LINGO2: variants seen among roughly 807,000 people sequenced by gnomAD.
LINGO2 encodes the protein leucine-rich repeat and immunoglobulin-like domain-containing nogo receptor-interacting protein 2.
A neutral mutation model predicts 30.6 loss-of-function variants in LINGO2; 14 were observed. That is an observed-to-expected ratio of 0.46 (90% CI 0.30 to 0.72). LINGO2 has a LOEUF of 0.72. LINGO2 is among the 30% of genes least tolerant of loss of function. The pLI, the probability that LINGO2 is intolerant of heterozygous loss-of-function variation, is 0.07. For missense variants in LINGO2, 729 were observed against 751.7 expected, an observed-to-expected ratio of 0.97 and a Z score of 0.35; for synonymous variants, 317 against 288.5, an observed-to-expected ratio of 1.10 and a Z score of -1.00.
the LINGO2 span, among the ~76,000 whole-genome samples, chr9:28,915,590 T>C: frequency 8.5e-5 from 13 of 152,146 alleles, no homozygotes; most frequent in Admixed American, 6.6e-4. Flanking sequence ...TTCAATAGTA[T>C]TGAAATAGAC....
the LINGO2 span, among the ~76,000 whole-genome samples, chr9:28,934,087 C>A: frequency 3.4e-4 from 52 of 152,266 alleles, no homozygotes; most frequent in African/African-American, 1.2e-3. Context: ...AATGTAACGA[C>A]TGGGGGAAAA....
chr9:28,517,197 G>A (rs1045248903), intron 1 of LINGO2, among the ~76,000 whole-genome samples: 4 of 152,106 alleles, frequency 2.6e-5, no homozygotes, highest in African/African-American at 9.7e-5. Context: ...AGTATAAGTG[G>A]TGTGACTTAA....
At chr9:28,059,200 T>C (rs541638267) in intron 4 of LINGO2, among the ~76,000 whole-genome samples, 18 of 152,188 alleles carry the variant, frequency 1.2e-4, no homozygotes, top group African/African-American at 3.9e-4. Context: ...TAGCAGAACA[T>C]GTTCCTTATA....
chr9:28,995,008 A>T, the LINGO2 span, among the ~76,000 whole-genome samples: 1 of 152,112 alleles, frequency 6.6e-6, no homozygotes, highest in Non-Finnish European at 1.5e-5. Context: ...CAAAAGCCAA[A>T]ATTGACAAAT....
intron 4 of LINGO2, among the ~76,000 whole-genome samples, chr9:28,133,898 C>T (rs749417198): frequency 6.6e-6 from 1 of 152,104 alleles, no homozygotes; most frequent in Non-Finnish European, 1.5e-5. Context: ...ATCTTCAGTC[C>T]AGATTTGGCA....
intron 4 of LINGO2, among the ~76,000 whole-genome samples, chr9:28,269,210 T>C (rs908121237): frequency 2.0e-5 from 3 of 152,110 alleles, no homozygotes; most frequent in African/African-American, 4.8e-5. Flanking sequence ...TAATTACTTA[T>C]ATACACATCT....
downstream of LINGO2, among the ~76,000 whole-genome samples, chr9:27,945,633 T>C (rs966916680): frequency 4.6e-5 from 7 of 152,114 alleles, no homozygotes; most frequent in African/African-American, 1.7e-4. Context: ...AAGTGAGTAG[T>C]TGGCCCCTGT....
At chr9:28,377,768 G>C (rs535023490) in intron 2 of LINGO2, among the ~76,000 whole-genome samples, 1 of 152,056 alleles carries the variant, frequency 6.6e-6, no homozygotes, top group African/African-American at 2.4e-5. Flanking sequence ...CTCTATTTCA[G>C]AAAACTTAAA....
chr9:29,190,191 G>C, the LINGO2 span, among the ~76,000 whole-genome samples: 1 of 152,156 alleles, frequency 6.6e-6, no homozygotes, highest in African/African-American at 2.4e-5. Context: ...AGCAGTCAGT[G>C]TTGAATCATA....
At chr9:28,131,706 C>G (rs1255524922) in intron 4 of LINGO2, among the ~76,000 whole-genome samples, 1 of 152,088 alleles carries the variant, frequency 6.6e-6, no homozygotes, top group Non-Finnish European at 1.5e-5. Context: ...AATACATTCT[C>G]ACTCACAAAC....
the LINGO2 span, among the ~76,000 whole-genome samples, chr9:28,885,473 A>T: frequency 2.0e-4 from 21 of 104,958 alleles, no homozygotes; most frequent in African/African-American, 6.9e-4. Context: ...ATATATATAC[A>T]TACATATACA....
At chr9:28,763,298 T>C in the LINGO2 span, among the ~76,000 whole-genome samples, 1 of 152,026 alleles carries the variant, frequency 6.6e-6, no homozygotes, top group African/African-American at 2.4e-5. Flanking sequence ...TTAAAACAAG[T>C]CTTAACAAAT....
At chr9:28,958,588 G>A in the LINGO2 span, among the ~76,000 whole-genome samples, 86 of 152,106 alleles carry the variant, frequency 5.7e-4, 1 homozygote, top group African/African-American at 1.8e-3. Context: ...TCCAGGAATC[G>A]GCATCTCCCC....
intron 4 of LINGO2, among the ~76,000 whole-genome samples, chr9:28,270,151 T>C (rs1336130253): frequency 6.6e-6 from 1 of 152,138 alleles, no homozygotes; most frequent in Admixed American, 6.6e-5. Context: ...AGAAACAATG[T>C]CCTACCCTCT....
intron 1 of LINGO2, among the ~76,000 whole-genome samples, chr9:28,510,605 AC>A (rs138293156): frequency 1.6e-4 from 25 of 152,012 alleles, no homozygotes; most frequent in Non-Finnish European, 1.6e-4. Context: ...ATTCAGTGAA[AC>A]TTTTATTGAA....
chr9:29,005,948 C>A, the LINGO2 span, among the ~76,000 whole-genome samples: 1 of 151,710 alleles, frequency 6.6e-6, no homozygotes, highest in Non-Finnish European at 1.5e-5. Flanking sequence ...AGATACGAGA[C>A]CAATGGATAG....
the LINGO2 span, among the ~76,000 whole-genome samples, chr9:28,680,125 C>A: frequency 5.9e-5 from 9 of 151,950 alleles, 1 homozygote; most frequent in Admixed American, 3.3e-4. Flanking sequence ...TGACCAATAT[C>A]TCCTCAACCC....
intron 1 of LINGO2, among the ~76,000 whole-genome samples, chr9:28,664,504 C>A (rs1044054098): frequency 6.6e-6 from 1 of 151,880 alleles, no homozygotes; most frequent in African/African-American, 2.4e-5. Flanking sequence ...GGGAGTAAGA[C>A]CTTGGTCAAT....
At chr9:28,303,698 A>C (rs547792074) in intron 3 of LINGO2, among the ~76,000 whole-genome samples, 3 of 152,122 alleles carry the variant, frequency 2.0e-5, no homozygotes, top group Non-Finnish European at 4.4e-5. Context: ...ATGAGGAAGA[A>C]AAAGGTATTT....
Sources: allele counts gnomAD v4.1 joint callset (sites outside exome capture counted in the v4.1 genomes callset), GRCh38; gene constraint gnomAD v4.1.1; transcripts MANE v1.5; gene names NCBI Gene and HGNC (gene_info 2026-07-23, HGNC 2026-07-21).